The following MAMDC4 variants were observed in gnomAD, a reference collection of about 807,000 sequenced individuals.
MAMDC4 encodes apical endosomal glycoprotein.
MAMDC4 carries 168 observed loss-of-function variants against 153.3 expected under a neutral mutation model. The observed-to-expected ratio is 1.10, with a 90% CI of 0.97 to 1.25. The LOEUF is 1.25. Among genes scored for constraint, MAMDC4 ranks in the 50% most tolerant of loss-of-function variants. The pLI, the probability that MAMDC4 is intolerant of heterozygous loss-of-function variation, is 0.00. For synonymous variants in MAMDC4, 744 were observed against 651.5 expected (o/e 1.14, Z -2.16); for missense variants, 1,701 against 1,542.8 (o/e 1.10, Z -1.72).
In MAMDC4 at chr9:136,854,827, G is replaced by A; in HGVS notation, c.1000G>A (p.Ala334Thr). The A allele has an allele frequency of 1.2e-6, 2 of 1,612,804 alleles. No homozygotes were observed. The highest frequency in any genetic ancestry group is 1.7e-6 in the Non-Finnish European group (2 of 1,179,862). Residue 334 changes from alanine (A) to threonine (T), a missense_variant, in exon 9 of 27, where the codon GCC (alanine) becomes ACC (threonine). Coordinates refer to ENST00000317446, the MANE Select transcript of MAMDC4 (RefSeq NM_206920.3). Reference sequence around the variant, plus strand: ...TATACTCTCCAGCCCCGAATTCCAAGCCTCAGGCACCTCCAACTGCTCGGT... The same window carrying A: ...TATACTCTCCAGCCCCGAATTCCAAACCTCAGGCACCTCCAACTGCTCGGT... ...PAILSSPEFQ[A>T]SGTSNCSLVF...
rs762900165 is a variant in MAMDC4 at position 136,854,308 on chromosome 9, C to A, written c.768C>A (p.Asp256Glu). 5 of 1,593,054 alleles carry A rather than the reference C, an allele frequency of 3.1e-6. No homozygotes were observed. The highest frequency in any genetic ancestry group is 3.4e-6 in the Non-Finnish European group (4 of 1,170,618). ...QLCDGEDNCG[D>E]LSDENPLTCG... ...GCGACGGGGAAGACAACTGCGGGGA[C>A]CTGTCTGATGAGAACCCACTCACCT... Residue 256 changes from aspartate to glutamate, a missense_variant, in exon 7 of 27, where the codon GAC becomes GAA. Asp to Glu is a conservative substitution (Grantham distance 45). Transcript: ENST00000317446.
At chr9:136,853,707 C>G in intron 4 of MAMDC4, 37 bp downstream of exon 4, 2 of 1,423,042 alleles carry the variant, frequency 1.4e-6, no homozygotes, top group East Asian at 5.6e-5. Context: ...GGGGGGTGCC[C>G]AAGGGGAGGG....
At position 136,860,075 on chromosome 9, in the gene MAMDC4, C is replaced by T. The variant is rs1162316163; in HGVS notation, c.3372+11C>T. 9.7e-6 allele frequency: 15 copies of T among 1,546,858 alleles called. No individual in the cohort carries two copies. The highest frequency in any genetic ancestry group is 2.4e-5 in the South Asian group (2 of 82,538). On this transcript the variant is annotated intron_variant, in intron 26 of 26. Transcript: ENST00000317446. ...ATCCTTTTCAATGCGGTAGGAGCCC[C>T]TGGGGATGGGTGGGCAGGAGCCTCT...
chr9:136,855,504 G>T lies in MAMDC4; in HGVS notation c.1356G>T (p.Arg452=), dbSNP rs769132240. 6.3e-7 allele frequency: 1 copy of T among 1,596,052 alleles called. No homozygotes were observed. Among genetic ancestry groups the T allele is most frequent in the Admixed American group, 1.7e-5 (1 of 57,752 alleles). Reference sequence around the variant, plus strand: ...CCCAGCCCCTGCCGCCCAGCTCGCGGCTCCAGGATTCCTGCAAGCAGGGGC... The same window carrying T: ...CCCAGCCCCTGCCGCCCAGCTCGCGTCTCCAGGATTCCTGCAAGCAGGGGC... ...PAPQPLPPSS[R]LQDSCKQGHL... Residue 452 remains arginine, a synonymous_variant, in exon 12 of 27, where the codon CGG becomes CGT. Transcript: ENST00000317446.
chr9:136,855,212 G>A lies in MAMDC4; in HGVS notation c.1198-42G>A, dbSNP rs528128698. On this transcript the variant is annotated intron_variant, in intron 10 of 26. Coordinates refer to ENST00000317446, the MANE Select transcript of MAMDC4 (RefSeq NM_206920.3). The stretch of plus-strand genomic sequence containing the variant: ...CGGGTGGACAGGGACCAGACCCCAG[G>A]GGGAAATAGGCTGGGCACCCCCTGA... The A allele has an allele frequency of 3.8e-6, 6 of 1,578,624 alleles. No individual in the cohort carries two copies. In the South Asian group the frequency reaches 7.0e-5, roughly 18 times the overall value.
chr9:136,855,831 C>T lies in MAMDC4; in HGVS notation c.1571C>T (p.Ser524Phe). The part of the protein sequence containing the change: ...RRVSAQESQG[S>F]SAAAAGHFLS... ...GTCTCAGCCCAGGAGAGCCAGGGGT[C>T]CAGTGCAGCTGCTGCTGGTGAGGCC... is the stretch of plus-strand genomic sequence containing the variant. The change falls in exon 13 of 27, where the codon TCC (serine) becomes TTC (phenylalanine). Residue 524 changes from serine to phenylalanine, a missense_variant. Ser to Phe is a radical substitution (Grantham distance 155). Transcript: ENST00000317446. The T allele has an allele frequency of 6.6e-7, 1 of 1,519,534 alleles. No individual in the cohort carries two copies. Among genetic ancestry groups the T allele is most frequent in the Non-Finnish European group, 8.8e-7 (1 of 1,132,740 alleles). The allele number at this position is 1,519,534 out of a possible 1,614,324, so 94.1% of individuals were successfully genotyped here.
rs145912281 is a variant in MAMDC4 at position 136,853,118 on chromosome 9, G to A, written c.63G>A (p.Trp21Ter). 3 of 1,612,604 alleles carry A rather than the reference G, an allele frequency of 1.9e-6. No homozygotes were observed. Among genetic ancestry groups the A allele is most frequent in the African/African-American group, 1.3e-5 (1 of 75,072 alleles). ...TCCCAGCAGCAGGGTCCTCAGGCTGGGCCTGGGTCCCCAACCACTGCAGGA... is the reference window on the plus strand; with the variant it reads ...TCCCAGCAGCAGGGTCCTCAGGCTGAGCCTGGGTCCCCAACCACTGCAGGA... ...LVLFLAGSSGWAWVPNHCRSP... is the reference protein window; with the variant it reads ...LVLFLAGSSG Residue 21 changes from tryptophan (W) to a stop codon, truncating the protein, a stop_gained, in exon 2 of 27, where the codon TGG (tryptophan) becomes TGA (stop). Transcript: ENST00000317446. LOFTEE classifies it high-confidence loss of function.
rs749682529 is a variant in MAMDC4 at position 136,853,487 on chromosome 9, C to T, written c.328+29C>T. On this transcript the variant is annotated intron_variant, in intron 3 of 26. Coordinates refer to ENST00000317446, the MANE Select transcript of MAMDC4 (RefSeq NM_206920.3). ...AGGCCAGGGCAAGTCTCTGTGCGCC[C>T]CTGTCCCAATACCCTCCTTGCTCCC... The T allele has an allele frequency of 1.8e-5, 29 of 1,610,934 alleles. No individual in the cohort carries two copies. In the East Asian group the frequency reaches 5.8e-4, roughly 32 times the overall value.
Position 136,859,004 on chromosome 9 carries a change from G to A in MAMDC4, c.2957-1G>A, listed in dbSNP as rs746750198. 6.6e-7 allele frequency: 1 copy of A among 1,522,254 alleles called. No individual in the cohort carries two copies. The highest frequency in any genetic ancestry group is 8.8e-7 in the Non-Finnish European group (1 of 1,131,218). The allele number at this position is 1,522,254 out of a possible 1,614,324, so 94.3% of individuals were successfully genotyped here. On this transcript the variant is annotated splice_acceptor_variant, in intron 23 of 26. Transcript: ENST00000317446. LOFTEE classifies it high-confidence loss of function. ...CTGACACGCCCTGGCCCTGCTCTCAGACAAGGGGGAGCTGAAGGTACTGCT... is the reference window on the plus strand; with the variant it reads ...CTGACACGCCCTGGCCCTGCTCTCAAACAAGGGGGAGCTGAAGGTACTGCT...
Position 136,852,600 on chromosome 9 carries a change from C to T in MAMDC4, c.46+138C>T, listed in dbSNP as rs568495610. On this transcript the variant is annotated intron_variant, in intron 1 of 26. Transcript: ENST00000317446. ...GAGGGTTGCAAGGTACTACCTTGGC[C>T]GGCCTGCAAGGGGGGTGACCTGGAA... is the stretch of plus-strand genomic sequence containing the variant. 4.7e-5 allele frequency: 53 copies of T among 1,133,384 alleles called. No individual in the cohort carries two copies. In the African/African-American group the frequency reaches 5.9e-4, roughly 13 times the overall value. The allele number at this position is 1,133,384 out of a possible 1,614,324, so 70.2% of individuals were successfully genotyped here. A position where few individuals can be genotyped will look rare whatever the true frequency, so the allele number is the denominator to read the frequency against.
In MAMDC4 at chr9:136,859,246, T is replaced by C. The variant is rs539223895; in HGVS notation, c.3122T>C (p.Leu1041Pro). 3.7e-6 allele frequency: 6 copies of C among 1,612,152 alleles called. No individual in the cohort carries two copies. The African/African-American group carries it at 8.0e-5, about 21-fold the overall frequency. ...FEATLGGQPA[L>P]GPIALDDVEY... ...GCCACTCTGGGCGGCCAGCCAGCCC[T>C]GGGGCCCATTGCCCTGGATGACGTG... is the stretch of plus-strand genomic sequence containing the variant. The change falls in exon 25 of 27, where the codon CTG becomes CCG. Residue 1041 changes from leucine (L) to proline (P), a missense_variant. Coordinates refer to ENST00000317446, the MANE Select transcript of MAMDC4 (RefSeq NM_206920.3).
In MAMDC4 at chr9:136,854,801, C is replaced by T. The variant is rs929866100; in HGVS notation, c.974C>T (p.Ala325Val). 6.8e-6 allele frequency: 11 copies of T among 1,612,750 alleles called. No individual in the cohort carries two copies. Among genetic ancestry groups the T allele is most frequent in the Non-Finnish European group, 9.3e-6 (11 of 1,179,888 alleles). ...TCCGTGGCCGAGCCTGGCACCCCTG[C>T]TATACTCTCCAGCCCCGAATTCCAA... ...LVSVAEPGTP[A>V]ILSSPEFQAS... Residue 325 changes from alanine to valine, a missense_variant, in exon 9 of 27, where the codon GCT becomes GTT. Ala to Val is a moderately conservative substitution (Grantham distance 64). Transcript: ENST00000317446.
intron 10 of MAMDC4, 65 bp from the exon 11 acceptor site, chr9:136,855,189 G>T: frequency 1.3e-6 from 2 of 1,578,960 alleles, no homozygotes; most frequent in Non-Finnish European, 1.7e-6. Flanking sequence ...ACCCACTGCG[G>T]GTGGACAGGG....
rs201682232 is a variant in MAMDC4 at position 136,855,419 on chromosome 9, C to T, written c.1283-12C>T. 499 of 1,607,020 alleles carry T rather than the reference C, an allele frequency of 3.1e-4. No individual in the cohort carries two copies. Among genetic ancestry groups the T allele is most frequent in the Non-Finnish European group, 4.1e-4 (486 of 1,176,694 alleles). The stretch of plus-strand genomic sequence containing the variant: ...CCATCCCTGCCTCCTGACACCAGTT[C>T]TGCCCCCACAGAGGTGTCCACCCTG... On this transcript the variant is annotated splice_polypyrimidine_tract_variant and intron_variant, in intron 11 of 26. Transcript: ENST00000317446.
intron 21 of MAMDC4, 45 bp from the exon 22 acceptor site, chr9:136,858,355 G>A: frequency 6.2e-7 from 1 of 1,600,252 alleles, no homozygotes; most frequent in Non-Finnish European, 8.5e-7. Flanking sequence ...GGTGCCCAGG[G>A]CTTGGGCCGT....
rs768195028 is a variant in MAMDC4, at chr9:136,857,846, G to C, written c.2464+50G>C. On this transcript the variant is annotated intron_variant, in intron 19 of 26. Coordinates refer to ENST00000317446, the MANE Select transcript of MAMDC4 (RefSeq NM_206920.3). ...CAGTGGGCTCAGGGAAGCTTGGCCT[G>C]GTGTCCCCACCAGCCTTGTGCTGAG... The C allele has an allele frequency of 1.9e-6, 3 of 1,587,832 alleles. No individual in the cohort carries two copies. In the South Asian group the frequency reaches 3.4e-5, roughly 18 times the overall value.
Position 136,852,407 on chromosome 9 carries a change from T to C in MAMDC4, c.-10T>C. On this transcript the variant is annotated 5_prime_UTR_variant, in exon 1 of 27. Transcript: ENST00000317446. The stretch of plus-strand genomic sequence containing the variant: ...CCCTGTGTGGCCGCACTGCTCCCTC[T>C]GGCCCAACCATGCCTCTGTCCAGCC... 3 of 1,609,394 alleles carry C rather than the reference T, an allele frequency of 1.9e-6. No individual in the cohort carries two copies. The highest frequency in any genetic ancestry group is 2.5e-6 in the Non-Finnish European group (3 of 1,179,936).
At position 136,858,793 on chromosome 9, in the gene MAMDC4, C is replaced by T. The variant is rs1437999756; in HGVS notation, c.2896C>T (p.Pro966Ser). 3.7e-6 allele frequency: 6 copies of T among 1,610,432 alleles called. No individual in the cohort carries two copies. The highest frequency in any genetic ancestry group is 8.5e-7 in the Non-Finnish European group (1 of 1,178,858). ...RAAWLRSEPLPATPASCLRFW... is the reference protein window; with the variant it reads ...RAAWLRSEPLSATPASCLRFW... ...CGCCTGGCTGCGCAGCGAGCCTCTGCCGGCCACCCCAGCCTCCTGCCTCCG... is the reference window on the plus strand; with the variant it reads ...CGCCTGGCTGCGCAGCGAGCCTCTGTCGGCCACCCCAGCCTCCTGCCTCCG... The change falls in exon 23 of 27, where the codon CCG becomes TCG. Residue 966 changes from proline (P) to serine (S), a missense_variant. Pro to Ser is a moderately conservative substitution (Grantham distance 74). Coordinates refer to ENST00000317446, the MANE Select transcript of MAMDC4 (RefSeq NM_206920.3).
In MAMDC4 at chr9:136,855,680, G is replaced by A. The variant is rs1848994503; in HGVS notation, c.1472-52G>A. On this transcript the variant is annotated intron_variant, in intron 12 of 26. Transcript: ENST00000317446. ...CGGAGCCAAGGGGGTAGGCGCCGGGGCAGGCTGAGGACTCTGAGGACTCTG... is the reference window on the plus strand; with the variant it reads ...CGGAGCCAAGGGGGTAGGCGCCGGGACAGGCTGAGGACTCTGAGGACTCTG... 6 of 1,568,078 alleles carry A rather than the reference G, an allele frequency of 3.8e-6. No homozygotes were observed. In the Admixed American group the frequency reaches 9.5e-5, roughly 25 times the overall value.
Sources: gnomAD v4.1 joint callset for allele counts on GRCh38, gnomAD v4.1.1 for gene constraint, MANE v1.5 for transcripts, NCBI Gene and HGNC (gene_info 2026-07-23, HGNC 2026-07-21) for gene names.